VCL: variants seen among roughly 807,000 people sequenced by gnomAD.
The protein encoded by VCL is vinculin, also known as epididymis luminal protein 114.
VCL carries 47 observed loss-of-function variants against 125.7 expected under a neutral mutation model. That is an observed-to-expected ratio of 0.37 (90% CI 0.30 to 0.48). The LOEUF is 0.48. VCL is among the 20% of genes least tolerant of loss of function. VCL has a pLI of 0.99. For synonymous variants in VCL, 458 were observed against 514.6 expected (o/e 0.89, Z 1.49); for missense variants, 1,069 against 1,455.5 (o/e 0.73, Z 4.32).
intron 2 of VCL, among the ~76,000 whole-genome samples, chr10:74,046,466 T>G (rs1046192874): frequency 3.3e-5 from 5 of 152,266 alleles, no homozygotes; most frequent in Admixed American, 6.5e-5. Context: ...TGGTCTTGAA[T>G]TCCTGGGCTC....
At chr10:73,998,471 G>T in intron 1 of VCL, 96 bp downstream of exon 1, 1 of 1,236,748 alleles carries the variant, frequency 8.1e-7, no homozygotes, top group Non-Finnish European at 1.0e-6. Context: ...CGCTGGCCGT[G>T]GCTTTCCGCG....
intron 2 of VCL, among the ~76,000 whole-genome samples, chr10:74,043,561 G>A (rs558026679): frequency 6.6e-6 from 1 of 151,928 alleles, no homozygotes; most frequent in East Asian, 1.9e-4. Context: ...TGGCCAAGCT[G>A]GTCTTGAACT....
At chr10:74,072,941 TTTTC>T (rs1329249936) in intron 5 of VCL, 89 bp downstream of exon 5, 37 of 1,568,046 alleles carry the variant, frequency 2.4e-5, no homozygotes, top group Admixed American at 7.1e-5. Flanking sequence ...TTTTGTTTTC[TTTTC>T]TTTTTTTTTT....
intron 2 of VCL, among the ~76,000 whole-genome samples, chr10:74,067,358 C>G (rs1473563548): frequency 2.0e-5 from 3 of 151,418 alleles, no homozygotes; most frequent in Non-Finnish European, 4.4e-5. Flanking sequence ...CACTTCACAC[C>G]TGCTAGGGTG....
chr10:74,028,478 C>T (rs1476472927), intron 1 of VCL, among the ~76,000 whole-genome samples: 1 of 149,650 alleles, frequency 6.7e-6, no homozygotes, highest in African/African-American at 2.5e-5. Context: ...CTCACTGCAA[C>T]CTCTGCCTCC....
chr10:74,077,697 T>C, intron 6 of VCL: 1 of 455,324 alleles, frequency 2.2e-6, no homozygotes, highest in Non-Finnish European at 4.4e-6. Flanking sequence ...TCCCCATTGG[T>C]GCAGTATTCT....
intron 1 of VCL, among the ~76,000 whole-genome samples, chr10:74,038,068 G>A (rs1371879616): frequency 6.7e-6 from 1 of 149,472 alleles, no homozygotes; most frequent in African/African-American, 2.5e-5. Flanking sequence ...TGCGATCTCA[G>A]TTCACTGCAA....
intron 1 of VCL, among the ~76,000 whole-genome samples, chr10:74,030,654 A>G (rs1322383570): frequency 1.3e-5 from 2 of 152,210 alleles, no homozygotes. Flanking sequence ...CATGGTACAA[A>G]TGCGCTGTTT....
chr10:74,002,156 G>A (rs146291944), intron 1 of VCL, among the ~76,000 whole-genome samples: 137 of 152,126 alleles, frequency 9.0e-4, no homozygotes, highest in African/African-American at 3.0e-3. Flanking sequence ...ATGGAGTTAC[G>A]CTCTTATTGC....
intron 2 of VCL, among the ~76,000 whole-genome samples, chr10:74,059,394 G>A (rs1242980084): frequency 6.6e-6 from 1 of 150,804 alleles, no homozygotes; most frequent in Non-Finnish European, 1.5e-5. Flanking sequence ...ATCTCCTCCT[G>A]CTTTTGCACC....
chr10:74,057,085 G>T (rs182625497), intron 2 of VCL, among the ~76,000 whole-genome samples: 5 of 151,912 alleles, frequency 3.3e-5, no homozygotes, highest in African/African-American at 2.4e-5. Context: ...TGGGGCTACA[G>T]GTACATGCCA....
At position 74,074,066 on chromosome 10, in the gene VCL, A is replaced by AAAAACAAAACAAAACAAAAC. The variant is rs199568482; in HGVS notation, c.623-658_623-657insCAAAACAAAACAAAACAAAA. Among the ~76,000 whole-genome samples the AAAAACAAAACAAAACAAAAC allele has an allele frequency of 9.1e-4, 139 of 152,036 alleles. 1 individual carries two copies. The highest frequency in any genetic ancestry group is 3.1e-3 in the African/African-American group (129 of 41,338). The stretch of plus-strand genomic sequence containing the variant: ...AACATGGCAAAACCCCGTCTCTACT[A>AAAAACAAAACAAAACAAAAC]AAAACAAAACAAAACAAAAATTAGC... On this transcript the variant is annotated intron_variant, in intron 5 of 21. Transcript: ENST00000211998.
At chr10:74,015,013 T>C (rs775834095) in intron 1 of VCL, among the ~76,000 whole-genome samples, 3 of 152,140 alleles carry the variant, frequency 2.0e-5, no homozygotes, top group Non-Finnish European at 2.9e-5. Flanking sequence ...ATGAGTACAT[T>C]CTATTCCGGA....
intron 1 of VCL, among the ~76,000 whole-genome samples, chr10:74,006,548 T>G (rs1591646368): frequency 6.6e-6 from 1 of 152,216 alleles, no homozygotes; most frequent in African/African-American, 2.4e-5. Context: ...ACTAGCCTGG[T>G]TATTTCATAC....
At chr10:74,105,388 T>G (rs1229906149) in intron 16 of VCL, 35 bp downstream of exon 16, 1 of 1,611,586 alleles carries the variant, frequency 6.2e-7, no homozygotes, top group South Asian at 1.1e-5. Flanking sequence ...TCACCTCCAC[T>G]GAGAGGTTAA....
At chr10:74,095,602 T>C (rs777142953) in intron 11 of VCL, 54 bp from the exon 12 acceptor site, 3 of 1,609,568 alleles carry the variant, frequency 1.9e-6, no homozygotes, top group South Asian at 2.2e-5. Context: ...CAGAATGGCA[T>C]TGCAATTGTC....
chr10:74,092,643 G>A (rs190878479), intron 10 of VCL, among the ~76,000 whole-genome samples: 216 of 152,110 alleles, frequency 1.4e-3, no homozygotes, highest in African/African-American at 4.9e-3. Context: ...GAGCTACCAC[G>A]GCCCAGGCTT....
At chr10:74,050,361 C>T (rs1841278145) in intron 2 of VCL, among the ~76,000 whole-genome samples, 3 of 152,166 alleles carry the variant, frequency 2.0e-5, no homozygotes, top group Admixed American at 2.0e-4. Flanking sequence ...ATTCACATTT[C>T]TTGGGAATTC....
intron 1 of VCL, among the ~76,000 whole-genome samples, chr10:74,028,698 G>A (rs964532670): frequency 1.3e-5 from 2 of 150,128 alleles, no homozygotes; most frequent in African/African-American, 4.9e-5. Flanking sequence ...CGCCTGGCAA[G>A]TAATCTTTTT....
Sources: allele counts gnomAD v4.1 joint callset (sites outside exome capture counted in the v4.1 genomes callset), GRCh38; gene constraint gnomAD v4.1.1; transcripts MANE v1.5; gene names NCBI Gene and HGNC (gene_info 2026-07-23, HGNC 2026-07-21).